LRIG1: variants seen among roughly 807,000 people sequenced by gnomAD.
The protein encoded by LRIG1 is leucine rich repeats and immunoglobulin like domains 1, also known as leucine-rich repeats and immunoglobulin-like domains protein 1.
In LRIG1, 48 loss-of-function variants were observed where a neutral mutation model predicts 99.2. The observed-to-expected ratio is 0.48, with a 90% CI of 0.38 to 0.62. The LOEUF is 0.62. Among genes scored for constraint, LRIG1 ranks in the 20% least tolerant of loss-of-function variants. The pLI is 0.00. For missense variants in LRIG1, 1,646 were observed against 1,434.4 expected (o/e 1.15, Z -2.38); for synonymous variants, 772 against 596.1 (o/e 1.29, Z -4.30).
chr3:66,445,020 T>C (rs910725734), intron 3 of LRIG1, among the ~76,000 whole-genome samples: 9 of 151,944 alleles, frequency 5.9e-5, no homozygotes, highest in African/African-American at 2.2e-4. Flanking sequence ...GCCTGTATCT[T>C]CCCCCTTTAG....
intron 3 of LRIG1, among the ~76,000 whole-genome samples, chr3:66,429,066 G>A (rs553076094): frequency 1.0e-3 from 156 of 152,362 alleles, no homozygotes; most frequent in African/African-American, 3.5e-3. Context: ...GGACTGGGCT[G>A]TGTCAACCAA....
intron 5 of LRIG1, among the ~76,000 whole-genome samples, 157 bp downstream of exon 5, chr3:66,414,763 A>C (rs543316474): frequency 6.6e-6 from 1 of 152,234 alleles, no homozygotes; most frequent in Admixed American, 6.5e-5. Context: ...CCCAGCTCCG[A>C]ATTTGCTTTT....
chr3:66,386,114 G>T lies in LRIG1; in HGVS notation c.1656C>A (p.Asp552Glu). Residue 552 changes from aspartate to glutamate, a missense_variant, in exon 13 of 19, where the codon GAC (aspartate) becomes GAA (glutamate). Asp to Glu is a conservative substitution (Grantham distance 45). Transcript: ENST00000273261. ...TGGTGGTGTACTCCATCACTTCCCC[G>T]TCCTGCGCGTGGACGTGGACAAAGT... is the stretch of plus-strand genomic sequence containing the variant. ...MENFVHVHAQDGEVMEYTTIL... is the reference protein window; with the variant it reads ...MENFVHVHAQEGEVMEYTTIL... The T allele has an allele frequency of 6.2e-7, 1 of 1,614,134 alleles. No individual in the cohort carries two copies. Among genetic ancestry groups the T allele is most frequent in the Non-Finnish European group, 8.5e-7 (1 of 1,180,022 alleles).
chr3:66,468,743 G>A (rs1257915050), intron 1 of LRIG1, among the ~76,000 whole-genome samples: 2 of 152,160 alleles, frequency 1.3e-5, no homozygotes, highest in Non-Finnish European at 2.9e-5. Context: ...GAAAAAGGTG[G>A]AAAAAGGTGA....
chr3:66,416,739 A>G lies in LRIG1; in HGVS notation c.503+390T>C, dbSNP rs75638885. Among the ~76,000 whole-genome samples the G allele has an allele frequency of 4.6e-3, 696 of 152,314 alleles. 4 individuals are homozygous for G. The highest frequency in any genetic ancestry group is 0.017 in the Middle Eastern group (5 of 294). ...CTAAGCCCTGTTAGACAGGCTTCCA[A>G]TGTGAATCCTCTAACCATCCTCCCT... On this transcript the variant is annotated intron_variant, in intron 4 of 18. Coordinates refer to ENST00000273261, the MANE Select transcript of LRIG1 (RefSeq NM_015541.3).
chr3:66,405,687 G>A, intron 8 of LRIG1: 1 of 1,089,102 alleles, frequency 9.2e-7, no homozygotes, highest in Non-Finnish European at 1.1e-6. Context: ...ACATGACCGA[G>A]AAACTGCAGA....
chr3:66,402,710 G>T (rs1196639480), intron 9 of LRIG1, among the ~76,000 whole-genome samples: 1 of 152,132 alleles, frequency 6.6e-6, no homozygotes, highest in African/African-American at 2.4e-5. Flanking sequence ...CTCCCCACAG[G>T]ACGGATCAGC....
In LRIG1 at chr3:66,385,961, C is replaced by A; in HGVS notation, c.1789+20G>T. The A allele has an allele frequency of 6.2e-7, 1 of 1,604,860 alleles. No individual in the cohort carries two copies. Reference sequence around the variant, plus strand: ...GCTTTGTAGGATTCTGGTACTATAACAAAGATGGTGTTTCCATACCATTCA... The same window carrying A: ...GCTTTGTAGGATTCTGGTACTATAAAAAAGATGGTGTTTCCATACCATTCA... On this transcript the variant is annotated intron_variant, in intron 13 of 18. Coordinates refer to ENST00000273261, the MANE Select transcript of LRIG1 (RefSeq NM_015541.3).
intron 3 of LRIG1, among the ~76,000 whole-genome samples, chr3:66,451,041 C>T (rs969327640): frequency 6.6e-6 from 1 of 152,150 alleles, no homozygotes; most frequent in African/African-American, 2.4e-5. Flanking sequence ...TTTTTCATTT[C>T]CAGTGTGCTG....
intron 8 of LRIG1, among the ~76,000 whole-genome samples, chr3:66,406,829 C>T (rs1702285693): frequency 1.3e-5 from 2 of 152,176 alleles, no homozygotes; most frequent in South Asian, 2.1e-4. Flanking sequence ...CACAGGATTC[C>T]CTAAGTGCTG....
At chr3:66,404,089 T>C (rs78507788) in intron 9 of LRIG1, 7,491 of 401,450 alleles carry the variant, frequency 0.019, 497 homozygotes, top group African/African-American at 0.14. Context: ...GACATGCTGC[T>C]GGAGTACAGG....
At chr3:66,456,906 T>C (rs1338023249) in intron 2 of LRIG1, among the ~76,000 whole-genome samples, 3 of 152,272 alleles carry the variant, frequency 2.0e-5, no homozygotes, top group South Asian at 4.1e-4. Context: ...CTTTTATTAA[T>C]AGAGGAGCCT....
intron 1 of LRIG1, among the ~76,000 whole-genome samples, chr3:66,462,730 C>T (rs1011861733): frequency 2.0e-5 from 3 of 151,992 alleles, no homozygotes; most frequent in Admixed American, 6.6e-5. Context: ...AAAACCCAAA[C>T]GAATTTCTAT....
chr3:66,423,156 A>G (rs892945941), intron 3 of LRIG1, among the ~76,000 whole-genome samples: 5 of 152,364 alleles, frequency 3.3e-5, no homozygotes, highest in Middle Eastern at 3.4e-3. Flanking sequence ...GTTTTGCAAG[A>G]TGGAAAAAAG....
intron 1 of LRIG1, among the ~76,000 whole-genome samples, chr3:66,471,022 G>A (rs1482861404): frequency 6.6e-6 from 1 of 152,060 alleles, no homozygotes; most frequent in African/African-American, 2.4e-5. Context: ...AAGAAGAGGC[G>A]CTCCAACACA....
chr3:66,386,222 G>A lies in LRIG1; in HGVS notation c.1548C>T (p.Cys516=). The A allele has an allele frequency of 6.2e-7, 1 of 1,614,158 alleles. No homozygotes were observed. Among genetic ancestry groups the A allele is most frequent in the South Asian group, 1.1e-5 (1 of 91,088 alleles). Residue 516 remains cysteine (C), a synonymous_variant, in exon 13 of 19, where the codon TGC becomes TGT. Coordinates refer to ENST00000273261, the MANE Select transcript of LRIG1 (RefSeq NM_015541.3). ...AMVGKDIRFT[C]SAASSSSSPM... is the part of the protein sequence containing the mutation. Reference sequence around the variant, plus strand: ...GGGAGCTGCTGCTGCTGGCTGCTGAGCATGTAAACCGGATGTCCTTGCCCA... The same window carrying A: ...GGGAGCTGCTGCTGCTGGCTGCTGAACATGTAAACCGGATGTCCTTGCCCA...
chr3:66,404,145 TA>T, intron 9 of LRIG1: 1 of 801,836 alleles, frequency 1.2e-6, no homozygotes, highest in Non-Finnish European at 1.8e-6. Context: ...AGCTTATTCC[TA>T]AGCAGGACCC....
At chr3:66,475,459 T>C (rs1700700023) in intron 1 of LRIG1, among the ~76,000 whole-genome samples, 1 of 152,162 alleles carries the variant, frequency 6.6e-6, no homozygotes, top group South Asian at 2.1e-4. Flanking sequence ...CAACCTGTAC[T>C]CCAGCTAAGT....
Position 66,381,093 on chromosome 3 carries a change from T to C in LRIG1, c.2771-232A>G, listed in dbSNP as rs1047173684. On this transcript the variant is annotated intron_variant, in intron 17 of 18. Transcript: ENST00000273261. ...TTTACAGTGAATTTCATAGACAATG[T>C]AGTCTTACTGCTTCACGGGGGAAAA... 8.4e-6 allele frequency: 5 copies of C among 595,242 alleles called. No homozygotes were observed. In the Admixed American group the frequency reaches 1.2e-4, roughly 14 times the overall value. The allele number at this position is 595,242 out of a possible 1,614,324, so 36.9% of individuals were successfully genotyped here. A position where few individuals can be genotyped will look rare whatever the true frequency, so the allele number is the denominator to read the frequency against.
Sources: allele counts gnomAD v4.1 joint callset (sites outside exome capture counted in the v4.1 genomes callset), GRCh38; gene constraint gnomAD v4.1.1; transcripts MANE v1.5; gene names NCBI Gene and HGNC (gene_info 2026-07-23, HGNC 2026-07-21).